Variants in RAB11FIP5 observed in about 807,000 individuals in gnomAD.
RAB11FIP5 encodes RAB11 family interacting protein 5.
Under a neutral mutation model 85.1 loss-of-function variants are expected in RAB11FIP5, and 48 were observed. The observed-to-expected ratio is 0.56, with a 90% CI of 0.45 to 0.72. RAB11FIP5 has a LOEUF of 0.72. Among genes scored for constraint, RAB11FIP5 ranks in the 30% least tolerant of loss-of-function variants. The pLI is 0.00. For missense variants in RAB11FIP5, 1,491 were observed against 1,687.0 expected, an observed-to-expected ratio of 0.88 and a Z score of 2.04; for synonymous variants, 729 against 727.3, an observed-to-expected ratio of 1.00 and a Z score of -0.04.
rs1683963771 is a variant in RAB11FIP5, at chr2:73,080,928, C to T, written c.2304G>A (p.Arg768=). The T allele has an allele frequency of 8.1e-7, 1 of 1,232,706 alleles. No homozygotes were observed. The highest frequency in any genetic ancestry group is 1.5e-5 in the African/African-American group (1 of 64,564). The allele number at this position is 1,232,706 out of a possible 1,614,324, so 76.4% of individuals were successfully genotyped here. The change falls in exon 4 of 6, where the codon AGG becomes AGA. Residue 768 remains arginine (R), a synonymous_variant. Transcript: ENST00000486777. ...QLRASGSEPD[R]ELPAPEVEAG... ...CTTCCACTTCCGGGGCTGGCAGTTC[C>T]CTGTCTGGTTCTGAGCCTGAGGCTC...
rs1023911671 is a variant in RAB11FIP5, at chr2:73,088,341, G to T, written c.1277C>A (p.Ala426Asp). 6 of 1,613,578 alleles carry T rather than the reference G, an allele frequency of 3.7e-6. No homozygotes were observed. Among genetic ancestry groups the T allele is most frequent in the Non-Finnish European group, 4.2e-6 (5 of 1,180,026 alleles). Residue 426 changes from alanine (A) to aspartate (D), a missense_variant, in exon 3 of 6, where the codon GCC (alanine) becomes GAC (aspartate). Physicochemically the swap from Ala to Asp is moderately radical, Grantham distance 126. Around this residue, in one of 3 missense-constraint regions of RAB11FIP5, gnomAD observed 1,211 missense variants for 1,338.0 expected, o/e 0.91. Transcript: ENST00000486777. ...GACTGGCTTGCCCTCTGGTAGCCGG[G>T]CCCCCTCCTCCTCTCCAGGGTGGCT... ...GASHPGEEEG[A>D]RLPEGKPVQV...
At position 73,075,159 on chromosome 2, in the gene RAB11FIP5, A is replaced by C. The variant is rs1683826701; in HGVS notation, c.*362T>G. On this transcript the variant is annotated 3_prime_UTR_variant, in exon 6 of 6. Coordinates refer to ENST00000486777, the MANE Select transcript of RAB11FIP5 (RefSeq NM_001371272.1). The surrounding 1 kb of genome is among the most constrained non-coding windows in gnomAD (Gnocchi z 4.6). ...TGGCTGACCATCCTTGGGGGATAAT[A>C]AAGTATGTGCTAGCAACCAGTCTTG... 3.9e-6 allele frequency: 2 copies of C among 513,148 alleles called. No individual in the cohort carries two copies. The highest frequency in any genetic ancestry group is 3.7e-6 in the Non-Finnish European group (1 of 267,124). 31.8% of individuals were successfully genotyped at this position (513,148 alleles called of 1,614,324 possible).
rs1448312896 is a variant in RAB11FIP5 at position 73,078,234 on chromosome 2, G to A, written c.3581+1417C>T. Among the ~76,000 whole-genome samples the A allele has an allele frequency of 2.0e-5, 3 of 152,314 alleles. No individual in the cohort carries two copies. The highest frequency in any genetic ancestry group is 2.9e-5 in the Non-Finnish European group (2 of 68,026). On this transcript the variant is annotated intron_variant, in intron 4 of 5. Transcript: ENST00000486777. This position sits in a 1 kb window ranked among gnomAD's most constrained non-coding sequence, Gnocchi z 4.4. ...TTGCCCCCTTACATCAGAGGGATCTGGGATCCTAAACCCTGCGCCTCTCAT... is the reference window on the plus strand; with the variant it reads ...TTGCCCCCTTACATCAGAGGGATCTAGGATCCTAAACCCTGCGCCTCTCAT...
rs1683970033 is a variant in RAB11FIP5 at position 73,081,127 on chromosome 2, C to A, written c.2105G>T (p.Gly702Val). ...TCCTCCTCCTCCTCCTCCTCCTCCT[C>A]CCCCAGGCTCTCCCTGGGGCTCAGC... Reference protein sequence around the residue: ...KAAEPQGEPGGGGGGGGGGGG... With the variant: ...KAAEPQGEPGVGGGGGGGGGG... Residue 702 changes from glycine (G) to valine (V), a missense_variant, in exon 4 of 6, where the codon GGA becomes GTA. Around this residue, in one of 3 missense-constraint regions of RAB11FIP5, gnomAD observed 1,211 missense variants for 1,338.0 expected, o/e 0.91. Transcript: ENST00000486777. The surrounding 1 kb of genome is among the most constrained non-coding windows in gnomAD (Gnocchi z 4.2). 1.6e-6 allele frequency: 2 copies of A among 1,232,670 alleles called. No individual in the cohort carries two copies. The highest frequency in any genetic ancestry group is 2.0e-6 in the Non-Finnish European group (2 of 989,228). 76.4% of individuals were successfully genotyped at this position (1,232,670 alleles called of 1,614,324 possible). A position where few individuals can be genotyped will look rare whatever the true frequency, so the allele number is the denominator to read the frequency against.
intron 1 of RAB11FIP5, among the ~76,000 whole-genome samples, chr2:73,099,908 C>A (rs1684396212): frequency 6.6e-6 from 1 of 152,216 alleles, no homozygotes; most frequent in Admixed American, 6.5e-5. Flanking sequence ...CTACTACCAC[C>A]CTGGGGACAA....
chr2:73,074,961 G>A lies in RAB11FIP5; in HGVS notation c.*560C>T. On this transcript the variant is annotated 3_prime_UTR_variant, in exon 6 of 6. Transcript: ENST00000486777. ...CAGACTCAGGACATGGCAGAGACTG[G>A]CCCAGACCACACAGGCTTCTTGCTC... 5.7e-6 allele frequency: 2 copies of A among 351,264 alleles called. No homozygotes were observed. The highest frequency in any genetic ancestry group is 4.4e-5 in the South Asian group (2 of 45,220). 21.8% of individuals were successfully genotyped at this position (351,264 alleles called of 1,614,324 possible).
chr2:73,075,786 T>G lies in RAB11FIP5; in HGVS notation c.3772-62A>C. ...TAGGCCTGCCTGCCTGCCTGCCCGC[T>G]TGCCCGCCCGCCCGCCTGCCCACCA... On this transcript the variant is annotated intron_variant, in intron 5 of 5. Transcript: ENST00000486777. This position sits in a 1 kb window ranked among gnomAD's most constrained non-coding sequence, Gnocchi z 4.6. 7.3e-7 allele frequency: 1 copy of G among 1,364,964 alleles called. No homozygotes were observed. The highest frequency in any genetic ancestry group is 9.9e-7 in the Non-Finnish European group (1 of 1,006,998). 84.6% of individuals were successfully genotyped at this position (1,364,964 alleles called of 1,614,324 possible). A position where few individuals can be genotyped will look rare whatever the true frequency, so the allele number is the denominator to read the frequency against.
rs1683866484 is a variant in RAB11FIP5 at position 73,076,550 on chromosome 2, C to T, written c.3582-368G>A. ...CCCTCCTTTCTCTTCTATACTGTAA[C>T]CTTTCTCTAGTGCGGTGACCAACCC... On this transcript the variant is annotated intron_variant, in intron 4 of 5. Transcript: ENST00000486777. Among the ~76,000 whole-genome samples, 4 of 152,248 alleles carry T rather than the reference C, an allele frequency of 2.6e-5. No homozygotes were observed. In the South Asian group the frequency reaches 8.3e-4, roughly 32 times the overall value.
rs530391267 is a variant in RAB11FIP5 at position 73,112,333 on chromosome 2, C to T, written c.431+14G>A. 4 of 1,561,632 alleles carry T rather than the reference C, an allele frequency of 2.6e-6. No homozygotes were observed. In the Admixed American group the frequency reaches 7.7e-5, roughly 30 times the overall value. ...GCCTTTAGCCGTTTCTGTGCCCCCGCGCCCCCTACTCACTGCGTGTGCTGG... is the reference window on the plus strand; with the variant it reads ...GCCTTTAGCCGTTTCTGTGCCCCCGTGCCCCCTACTCACTGCGTGTGCTGG... On this transcript the variant is annotated intron_variant, in intron 1 of 5. Coordinates refer to ENST00000486777, the MANE Select transcript of RAB11FIP5 (RefSeq NM_001371272.1).
chr2:73,106,195 A>T (rs1684523007), intron 1 of RAB11FIP5, among the ~76,000 whole-genome samples: 1 of 152,372 alleles, frequency 6.6e-6, no homozygotes, highest in Admixed American at 6.5e-5. Context: ...GCCAGCACCC[A>T]GATAGGCCTT....
rs1243600134 is a variant in RAB11FIP5, at chr2:73,099,031, TTG to T, written c.432-9718_432-9717del. ...TTATGTTTCTTTAGTAAATGCTTTT[TTG>T]TTTTTTTTTTCTTTTTTCTTTTTTT... is the stretch of plus-strand genomic sequence containing the variant. On this transcript the variant is annotated intron_variant, in intron 1 of 5. Transcript: ENST00000486777. 2.1e-4 allele frequency among the ~76,000 whole-genome samples: 31 copies of T among 150,784 alleles called. 1 individual carries two copies. The highest frequency in any genetic ancestry group is 9.9e-4 in the Admixed American group (15 of 15,102).
chr2:73,088,549 A>T lies in RAB11FIP5; in HGVS notation c.1069T>A (p.Ser357Thr). 3 of 1,613,874 alleles carry T rather than the reference A, an allele frequency of 1.9e-6. No individual in the cohort carries two copies. Among genetic ancestry groups the T allele is most frequent in the Non-Finnish European group, 2.5e-6 (3 of 1,180,048 alleles). The stretch of plus-strand genomic sequence containing the variant: ...GAGGATGGAAGCGAGCCCGAGATGG[A>T]GCTGCGGTGCCGCACAGGGCCCTGG... Reference protein sequence around the residue: ...EPQGPVRHRSSISGSLPSSGS... With the variant: ...EPQGPVRHRSTISGSLPSSGS... Residue 357 changes from serine to threonine, a missense_variant, in exon 3 of 6, where the codon TCC (serine) becomes ACC (threonine). Around this residue, in one of 3 missense-constraint regions of RAB11FIP5, gnomAD observed 1,211 missense variants for 1,338.0 expected, o/e 0.91. Transcript: ENST00000486777.
chr2:73,096,243 C>T (rs1574301277), intron 1 of RAB11FIP5, among the ~76,000 whole-genome samples: 1 of 152,310 alleles, frequency 6.6e-6, no homozygotes, highest in East Asian at 1.9e-4. Flanking sequence ...TGGTGGGGTC[C>T]CCAGGCCCTC....
At chr2:73,104,747 G>A (rs1684491309) in intron 1 of RAB11FIP5, among the ~76,000 whole-genome samples, 1 of 152,148 alleles carries the variant, frequency 6.6e-6, no homozygotes, top group African/African-American at 2.4e-5. Context: ...GGTCTCACCT[G>A]TTATTCAAGG....
At chr2:73,079,557 T>G (rs886583646) in intron 4 of RAB11FIP5, 94 bp downstream of exon 4, 1 of 1,219,044 alleles carries the variant, frequency 8.2e-7, no homozygotes, top group Non-Finnish European at 1.0e-6. Context: ...CCACAAAGGA[T>G]GAGACTGGAG....
At chr2:73,108,342 G>A (rs1684570625) in intron 1 of RAB11FIP5, among the ~76,000 whole-genome samples, 1 of 152,200 alleles carries the variant, frequency 6.6e-6, no homozygotes, top group South Asian at 2.1e-4. Flanking sequence ...GATCCTGTCT[G>A]CCACACTCCA....
rs1448138275 is a variant in RAB11FIP5, at chr2:73,088,425, T to A, written c.1193A>T (p.Glu398Val). 6.2e-7 allele frequency: 1 copy of A among 1,613,912 alleles called. No individual in the cohort carries two copies. Among genetic ancestry groups the A allele is most frequent in the Admixed American group, 1.7e-5 (1 of 60,030 alleles). ...PRGSRSNSSS[E>V]AVLGQEELSA... ...CAGCTCCTCCTGTCCAAGCACTGCC[T>A]CTGAGCTGCTGTTGCTACGACTGCC... Residue 398 changes from glutamate to valine, a missense_variant, in exon 3 of 6, where the codon GAG becomes GTG. By Grantham distance (121) the Glu-to-Val change is moderately radical (BLOSUM62 -2). Transcript: ENST00000486777.
intron 1 of RAB11FIP5, among the ~76,000 whole-genome samples, chr2:73,105,520 G>C (rs1247251817): frequency 1.3e-5 from 2 of 152,038 alleles, no homozygotes; most frequent in East Asian, 1.9e-4. Context: ...TGGGATTACA[G>C]GCATGAGCCA....
At chr2:73,110,731 G>GA (rs1257017478) in intron 1 of RAB11FIP5, among the ~76,000 whole-genome samples, 2 of 152,088 alleles carry the variant, frequency 1.3e-5, no homozygotes, top group African/African-American at 2.4e-5. Flanking sequence ...GCAGGAACTG[G>GA]AAAAAACAAT....
Sources: allele counts gnomAD v4.1 joint callset (sites outside exome capture counted in the v4.1 genomes callset), GRCh38; gene constraint gnomAD v4.1.1; regional missense constraint gnomAD v4.1.1; non-coding constraint Gnocchi (gnomAD v3.1); transcripts MANE v1.5; gene names NCBI Gene and HGNC (gene_info 2026-07-23, HGNC 2026-07-21).